The following CFAP299 variants were observed in gnomAD, a reference collection of about 807,000 sequenced individuals.
CFAP299 encodes cilia- and flagella-associated protein 299.
CFAP299 carries 21 observed loss-of-function variants against 27.0 expected under a neutral mutation model. That is an observed-to-expected ratio of 0.78 (90% CI 0.55 to 1.12). The LOEUF (loss-of-function observed/expected upper bound fraction) is 1.12, where lower values mean the gene tolerates loss of function less well. Ranked by LOEUF, CFAP299 falls within the 50% of genes most tolerant of loss-of-function variation. The pLI, the probability that CFAP299 is intolerant of heterozygous loss-of-function variation, is 0.00. For synonymous variants in CFAP299, 104 were observed against 98.1 expected (o/e 1.06, Z -0.36); for missense variants, 310 against 276.6 (o/e 1.12, Z -0.86).
rs543958863 is a variant in CFAP299, at chr4:80,905,769, TCA to T, written c.476+35637_476+35638del. On this transcript the variant is annotated intron_variant, in intron 4 of 5. Transcript: ENST00000358105. ...CATCAGATCTCGTGAGAACTCGTTA[TCA>T]CAAGAACAGCATGGGGATAACTGCC... Among the ~76,000 whole-genome samples the T allele has an allele frequency of 2.6e-5, 4 of 152,258 alleles. No homozygotes were observed. In the South Asian group the frequency reaches 8.3e-4, roughly 32 times the overall value.
intron 4 of CFAP299, among the ~76,000 whole-genome samples, chr4:80,913,712 A>C (rs969584015): frequency 2.0e-5 from 3 of 152,202 alleles, no homozygotes; most frequent in Non-Finnish European, 4.4e-5. Flanking sequence ...AGTATAATCT[A>C]CATACAATGA....
chr4:80,327,703 T>TATATATATATATATATATAACTTCAATAC, the CFAP299 span, among the ~76,000 whole-genome samples: 43 of 133,142 alleles, frequency 3.2e-4, no homozygotes, highest in Admixed American at 6.6e-4. Context: ...TATATATATA[T>TATATATATATATATATATAACTTCAATAC]ATATATATAT....
chr4:80,615,458 T>C (rs1239528184), intron 3 of CFAP299, among the ~76,000 whole-genome samples: 1 of 152,208 alleles, frequency 6.6e-6, no homozygotes, highest in Non-Finnish European at 1.5e-5. Flanking sequence ...TTTAATACTT[T>C]ATTGTAGTGT....
chr4:80,558,267 T>A (rs1734870353), intron 2 of CFAP299, among the ~76,000 whole-genome samples: 1 of 152,094 alleles, frequency 6.6e-6, no homozygotes. Context: ...TAAACAATTT[T>A]ATTCTCACCT....
intron 3 of CFAP299, among the ~76,000 whole-genome samples, chr4:80,759,014 C>A (rs189103483): frequency 3.9e-4 from 59 of 151,948 alleles, no homozygotes; most frequent in African/African-American, 1.3e-3. Flanking sequence ...CAAATTATTT[C>A]AAAAAATATA....
At chr4:80,930,310 T>C (rs1256145655) in intron 4 of CFAP299, among the ~76,000 whole-genome samples, 2 of 152,176 alleles carry the variant, frequency 1.3e-5, no homozygotes, top group African/African-American at 4.8e-5. Context: ...TCCTTTGTAG[T>C]ATCCTTATAA....
At chr4:80,340,354 C>T (rs1055668063) in intron 1 of CFAP299, among the ~76,000 whole-genome samples, 1 of 152,202 alleles carries the variant, frequency 6.6e-6, no homozygotes, top group Non-Finnish European at 1.5e-5. Context: ...ATCCAATACT[C>T]AGAACTGTGC....
rs139996307 is a variant in CFAP299 at position 80,906,549 on chromosome 4, A to C, written c.476+36414A>C. Among the ~76,000 whole-genome samples the C allele has an allele frequency of 7.9e-5, 12 of 152,310 alleles. No individual in the cohort carries two copies. In the East Asian group the frequency reaches 2.1e-3, roughly 27 times the overall value. ...GTTCCCCTTGAGGGCTGTGCCCTGC[A>C]GCAGTCTTCTGCCTGGACATCCAGG... On this transcript the variant is annotated intron_variant, in intron 4 of 5. Coordinates refer to ENST00000358105, the MANE Select transcript of CFAP299 (RefSeq NM_152770.3).
rs371514317 is a variant in CFAP299, at chr4:80,914,991, A to T, written c.477-29819A>T. Among the ~76,000 whole-genome samples, 48 of 151,222 alleles carry T rather than the reference A, an allele frequency of 3.2e-4. No individual in the cohort carries two copies. The East Asian group carries it at 8.6e-3, about 27-fold the overall frequency. ...TTTCTTCTTTTATGTTTATTATTTT[A>T]TTTTTTTCTTATCTCAGATTATTGA... On this transcript the variant is annotated intron_variant, in intron 4 of 5. Coordinates refer to ENST00000358105, the MANE Select transcript of CFAP299 (RefSeq NM_152770.3).
chr4:80,753,268 C>G (rs1041225882), intron 3 of CFAP299, among the ~76,000 whole-genome samples: 1 of 151,376 alleles, frequency 6.6e-6, no homozygotes, highest in African/African-American at 2.4e-5. Context: ...TTTTATAATT[C>G]TAGATTGACA....
rs367978980 is a variant in CFAP299, at chr4:80,958,729, C to T, written c.607-4788C>T. ...GCTGAATCTTGTGCATCATATGCAG[C>T]CCTCTGCTTTGGCCTACAGTGGGTC... On this transcript the variant is annotated intron_variant, in intron 5 of 5. Coordinates refer to ENST00000358105, the MANE Select transcript of CFAP299 (RefSeq NM_152770.3). Among the ~76,000 whole-genome samples the T allele has an allele frequency of 7.9e-5, 12 of 152,308 alleles. No individual in the cohort carries two copies. The South Asian group carries it at 2.1e-3, about 26-fold the overall frequency.
intron 2 of CFAP299, among the ~76,000 whole-genome samples, chr4:80,443,664 T>A (rs550578139): frequency 6.6e-6 from 1 of 152,224 alleles, no homozygotes; most frequent in East Asian, 1.9e-4. Flanking sequence ...CAACACAGTA[T>A]TGGAAGTCCT....
At chr4:80,745,278 G>A (rs183927440) in intron 3 of CFAP299, among the ~76,000 whole-genome samples, 1 of 152,198 alleles carries the variant, frequency 6.6e-6, no homozygotes, top group Admixed American at 6.6e-5. Context: ...CTTCTGAAAA[G>A]CTATGTCTTG....
intron 3 of CFAP299, among the ~76,000 whole-genome samples, chr4:80,813,153 G>A (rs908045133): frequency 3.3e-5 from 5 of 151,948 alleles, no homozygotes; most frequent in Non-Finnish European, 5.9e-5. Flanking sequence ...CTGCCTATAT[G>A]CACAAATGTT....
intron 2 of CFAP299, among the ~76,000 whole-genome samples, chr4:80,571,558 C>G (rs1735582048): frequency 6.6e-6 from 1 of 151,952 alleles, no homozygotes; most frequent in Non-Finnish European, 1.5e-5. Flanking sequence ...ACATCTTGTT[C>G]CAAAATGAGA....
intron 3 of CFAP299, among the ~76,000 whole-genome samples, chr4:80,825,871 T>G (rs748904886): frequency 1.3e-5 from 2 of 151,900 alleles, no homozygotes; most frequent in Admixed American, 1.3e-4. Context: ...AAAAATGGTT[T>G]GTAACTCCAC....
intron 2 of CFAP299, among the ~76,000 whole-genome samples, chr4:80,435,373 G>A (rs964312080): frequency 3.3e-5 from 5 of 152,170 alleles, no homozygotes; most frequent in Non-Finnish European, 7.3e-5. Flanking sequence ...TGAACACTAC[G>A]TTCAAATTAG....
rs573374411 is a variant in CFAP299, at chr4:80,501,876, T to G, written c.243-81217T>G. Among the ~76,000 whole-genome samples, 35 of 152,148 alleles carry G rather than the reference T, an allele frequency of 2.3e-4. 1 individual carries two copies. In the South Asian group the frequency reaches 7.3e-3, roughly 32 times the overall value. On this transcript the variant is annotated intron_variant, in intron 2 of 5. Transcript: ENST00000358105. Reference sequence around the variant, plus strand: ...GATGTATTTTAATTAGTCTGATCATTTTGCTAAGGCTCTATTTATGTTTCT... The same window carrying G: ...GATGTATTTTAATTAGTCTGATCATGTTGCTAAGGCTCTATTTATGTTTCT...
intron 2 of CFAP299, among the ~76,000 whole-genome samples, chr4:80,379,139 G>A (rs6818725): frequency 0.15 from 23,485 of 151,928 alleles, 1,991 homozygotes; most frequent in East Asian, 0.25. Context: ...GGAAAATCAG[G>A]TTCTTTCTTT....
Sources: allele counts gnomAD v4.1 joint callset (sites outside exome capture counted in the v4.1 genomes callset), GRCh38; gene constraint gnomAD v4.1.1; transcripts MANE v1.5; gene names NCBI Gene and HGNC (gene_info 2026-07-23, HGNC 2026-07-21).